The following CRB1 variants were observed in gnomAD, a reference collection of about 807,000 sequenced individuals.
CRB1 encodes the protein protein crumbs homolog 1.
In CRB1, 83 loss-of-function variants were observed where a neutral mutation model predicts 120.0. The ratio of observed to expected loss-of-function variants is 0.69; its 90% CI spans 0.58 to 0.83. CRB1 has a LOEUF of 0.83. CRB1 is among the 40% of genes least tolerant of loss of function. The pLI is 0.00. For missense variants in CRB1, 1,699 were observed against 1,687.6 expected (o/e 1.01, Z -0.12); for synonymous variants, 625 against 612.5 (o/e 1.02, Z -0.30).
chr1:197,353,161 A>G (rs1660203728), intron 4 of CRB1, among the ~76,000 whole-genome samples: 1 of 152,212 alleles, frequency 6.6e-6, no homozygotes, highest in Non-Finnish European at 1.5e-5. Flanking sequence ...AAATAAGGGG[A>G]TCTTATTTAT....
At chr1:197,399,625 C>T (rs886191601) in intron 5 of CRB1, among the ~76,000 whole-genome samples, 1 of 152,124 alleles carries the variant, frequency 6.6e-6, no homozygotes. Flanking sequence ...AAATAATGTC[C>T]ATTTATTATC....
intron 10 of CRB1, chr1:197,440,838 GCCCACCCAAGACCGAGAATGC>G (rs943207259): frequency 6.6e-6 from 1 of 152,170 alleles, no homozygotes; most frequent in Admixed American, 6.6e-5. Flanking sequence ...GAACACTCTG[GCCCACCCAAGACCGAGAATGC>G]TTGGCAGGCT....
intron 11 of CRB1, among the ~76,000 whole-genome samples, chr1:197,454,948 A>G (rs1216508112): frequency 6.6e-6 from 1 of 152,208 alleles, no homozygotes; most frequent in Non-Finnish European, 1.5e-5. Flanking sequence ...TAAGAAAATC[A>G]GGTACATAGC....
At position 197,407,022 on chromosome 1, in the gene CRB1, T is replaced by G. The variant is rs140334966; in HGVS notation, c.1172-13978T>G. ...ATTTGACCTCCAAACACCTCCTCTC[T>G]CTTCCATATTTATTAAATTGGCTTG... On this transcript the variant is annotated intron_variant, in intron 5 of 11. Transcript: ENST00000367400. Among the ~76,000 whole-genome samples the G allele has an allele frequency of 6.7e-3, 1,028 of 152,304 alleles. 14 individuals are homozygous for G. Among genetic ancestry groups the G allele is most frequent in the African/African-American group, 0.023 (969 of 41,558 alleles).
chr1:197,359,062 T>A (rs1234410721), intron 5 of CRB1, among the ~76,000 whole-genome samples: 1 of 152,206 alleles, frequency 6.6e-6, no homozygotes, highest in Non-Finnish European at 1.5e-5. Flanking sequence ...TAATAGTATA[T>A]TTATGTGCAG....
chr1:197,334,196 A>C (rs1303833234), intron 2 of CRB1, among the ~76,000 whole-genome samples: 2 of 152,230 alleles, frequency 1.3e-5, no homozygotes, highest in Non-Finnish European at 2.9e-5. Context: ...AGAACCACTG[A>C]CATAGACAGT....
chr1:197,344,627 T>A, intron 3 of CRB1, 151 bp downstream of exon 3: 1 of 729,944 alleles, frequency 1.4e-6, no homozygotes, highest in Non-Finnish European at 2.4e-6. Context: ...CAGATTTCAC[T>A]AAAAAGGGTA....
chr1:197,373,628 CTG>C (rs1335005313), intron 5 of CRB1, among the ~76,000 whole-genome samples: 1 of 152,140 alleles, frequency 6.6e-6, no homozygotes, highest in Non-Finnish European at 1.5e-5. Flanking sequence ...CCTTAATAAA[CTG>C]TTTTAATAAA....
intron 8 of CRB1, among the ~76,000 whole-genome samples, 156 bp from the exon 9 acceptor site, chr1:197,434,550 T>C (rs1463878473): frequency 1.3e-5 from 2 of 152,128 alleles, no homozygotes; most frequent in African/African-American, 4.8e-5. Context: ...AGTTTGATAT[T>C]AGAAATAATA....
At chr1:197,464,143 A>G (rs985487559) in intron 11 of CRB1, among the ~76,000 whole-genome samples, 9 of 152,288 alleles carry the variant, frequency 5.9e-5, no homozygotes, top group African/African-American at 1.4e-4. Flanking sequence ...TCAAAGTTGT[A>G]GCTCCTCCTC....
chr1:197,468,960 T>C (rs966649428), intron 11 of CRB1, among the ~76,000 whole-genome samples: 1 of 152,124 alleles, frequency 6.6e-6, no homozygotes, highest in Admixed American at 6.5e-5. Context: ...AAGTGGCAGA[T>C]AGAGAGAGTT....
At position 197,421,081 on chromosome 1, in the gene CRB1, A is replaced by C. The variant is rs539152735; in HGVS notation, c.1253A>C (p.Asn418Thr). 3 of 1,614,222 alleles carry C rather than the reference A, an allele frequency of 1.9e-6. No individual in the cohort carries two copies. Among genetic ancestry groups the C allele is most frequent in the Non-Finnish European group, 2.5e-6 (3 of 1,180,030 alleles). The change falls in exon 6 of 12, where the codon AAT (asparagine) becomes ACT (threonine). Residue 418 changes from asparagine (N) to threonine (T), a missense_variant. Transcript: ENST00000367400. ...GGTACTTGTGAGAACTTGCCTGGGAATTATACTTGCCATTGCCCATTTGAT... is the reference window on the plus strand; with the variant it reads ...GGTACTTGTGAGAACTTGCCTGGGACTTATACTTGCCATTGCCCATTTGAT... ...NGGTCENLPG[N>T]YTCHCPFDNL...
intron 1 of CRB1, among the ~76,000 whole-genome samples, chr1:197,312,485 G>C (rs1486848075): frequency 6.6e-6 from 1 of 152,200 alleles, no homozygotes; most frequent in Non-Finnish European, 1.5e-5. Context: ...AGGAGGCTGA[G>C]GCAGGAGAAC....
At chr1:197,420,967 A>G (rs774193541) in intron 5 of CRB1, 33 bp from the exon 6 acceptor site, 1 of 1,266,806 alleles carries the variant, frequency 7.9e-7, no homozygotes, top group African/African-American at 1.5e-5. Flanking sequence ...ATGTGAATAT[A>G]TATAATTTTA....
chr1:197,324,811 A>G (rs1160807054), intron 1 of CRB1, among the ~76,000 whole-genome samples: 2 of 152,196 alleles, frequency 1.3e-5, no homozygotes, highest in Non-Finnish European at 2.9e-5. Context: ...CAGAGATGGT[A>G]AATACTAGAA....
At chr1:197,370,046 T>G (rs1317334422) in intron 5 of CRB1, among the ~76,000 whole-genome samples, 1 of 152,104 alleles carries the variant, frequency 6.6e-6, no homozygotes, top group Non-Finnish European at 1.5e-5. Flanking sequence ...CCAGCGAAAC[T>G]GAGCCTCATA....
rs567747319 is a variant in CRB1 at position 197,343,883 on chromosome 1, G to A, written c.653-398G>A. On this transcript the variant is annotated intron_variant, in intron 2 of 11. Transcript: ENST00000367400. ...GCTGTGCCAGGATCCCGACCCAACT[G>A]TCTGGCTTTGGAGTCTGAGCTCTTA... 5.3e-5 allele frequency among the ~76,000 whole-genome samples: 8 copies of A among 152,310 alleles called. No individual in the cohort carries two copies. In the South Asian group the frequency reaches 1.7e-3, roughly 32 times the overall value.
At chr1:197,238,659 A>C in the CRB1 span, among the ~76,000 whole-genome samples, 1 of 152,154 alleles carries the variant, frequency 6.6e-6, no homozygotes, top group African/African-American at 2.4e-5. Flanking sequence ...CAGCCTGACC[A>C]ACATGGAGAA....
At chr1:197,477,485 A>T (rs1392706384) in intron 11 of CRB1, 179 bp from the exon 12 acceptor site, 1 of 707,514 alleles carries the variant, frequency 1.4e-6, no homozygotes, top group African/African-American at 1.8e-5. Flanking sequence ...ATATATGATT[A>T]TTTGTAAATG....
Sources: allele counts gnomAD v4.1 joint callset (sites outside exome capture counted in the v4.1 genomes callset), GRCh38; gene constraint gnomAD v4.1.1; transcripts MANE v1.5; gene names NCBI Gene and HGNC (gene_info 2026-07-23, HGNC 2026-07-21).